The following SCHIP1 variants were observed in gnomAD, a reference collection of about 807,000 sequenced individuals.
SCHIP1 encodes schwannomin-interacting protein 1.
SCHIP1 carries 8 observed loss-of-function variants against 29.7 expected under a neutral mutation model. The observed-to-expected ratio is 0.27, with a 90% CI of 0.16 to 0.49. SCHIP1 has a LOEUF of 0.49. Ranked by LOEUF, SCHIP1 falls within the 20% of genes least tolerant of loss-of-function variation. The probability of loss-of-function intolerance (pLI) is 0.99; values close to 1 mark genes in which losing one functional copy is unlikely to be tolerated. For synonymous variants in SCHIP1, 76 were observed against 94.9 expected (o/e 0.80, Z 1.16); for missense variants, 193 against 294.6 (o/e 0.66, Z 2.52).
chr3:159,700,961 T>A, the SCHIP1 span, among the ~76,000 whole-genome samples: 1 of 152,166 alleles, frequency 6.6e-6, no homozygotes, highest in Non-Finnish European at 1.5e-5. Flanking sequence ...AAACCTAGAT[T>A]TTAACATGCT....
At chr3:159,478,433 G>T in the SCHIP1 span, among the ~76,000 whole-genome samples, 2 of 151,908 alleles carry the variant, frequency 1.3e-5, no homozygotes, top group African/African-American at 4.8e-5. Flanking sequence ...TTGTTCCTTT[G>T]GTCTATGTAT....
chr3:159,309,229 A>G, the SCHIP1 span: 1 of 216,964 alleles, frequency 4.6e-6, no homozygotes, highest in Non-Finnish European at 7.8e-6. Context: ...TACATGACAT[A>G]TATGCAATAA....
At chr3:159,477,920 C>CTTTT in the SCHIP1 span, among the ~76,000 whole-genome samples, 67 of 98,262 alleles carry the variant, frequency 6.8e-4, no homozygotes, top group East Asian at 3.2e-3. Flanking sequence ...CATTTTAAAT[C>CTTTT]TTTTTTTTTT....
the SCHIP1 span, among the ~76,000 whole-genome samples, chr3:159,283,243 C>T: frequency 2.0e-5 from 3 of 152,120 alleles, no homozygotes; most frequent in African/African-American, 7.2e-5. Context: ...ACCTCCGCCT[C>T]CTGGGTTCAA....
the SCHIP1 span, among the ~76,000 whole-genome samples, chr3:159,704,913 TTTC>T: frequency 2.4e-5 from 3 of 124,094 alleles, no homozygotes; most frequent in African/African-American, 1.1e-4. Flanking sequence ...TCTTTATTTC[TTTC>T]TTTCTTTCTT....
chr3:159,532,287 T>A, the SCHIP1 span, among the ~76,000 whole-genome samples: 1 of 152,210 alleles, frequency 6.6e-6, no homozygotes, highest in Admixed American at 6.5e-5. Context: ...ATTGTTTGCA[T>A]ACAAGTGAGT....
At chr3:159,522,430 C>G in the SCHIP1 span, among the ~76,000 whole-genome samples, 103 of 152,226 alleles carry the variant, frequency 6.8e-4, no homozygotes, top group African/African-American at 2.0e-3. Context: ...AGAAGGTTTC[C>G]AAGGTTTGTT....
At chr3:159,764,141 A>G in the SCHIP1 span, 4 of 339,650 alleles carry the variant, frequency 1.2e-5, no homozygotes, top group Non-Finnish European at 2.1e-5. This position sits in a 1 kb window ranked among gnomAD's most constrained non-coding sequence, Gnocchi z 6.1. Context: ...CAAAATGGTT[A>G]ATACAAAGTC....
chr3:159,404,611 C>A, the SCHIP1 span, among the ~76,000 whole-genome samples: 2 of 152,254 alleles, frequency 1.3e-5, no homozygotes, highest in East Asian at 3.9e-4. Flanking sequence ...GCTAACTTAG[C>A]CACAGTAGAA....
chr3:159,788,831 A>AAT, the SCHIP1 span, among the ~76,000 whole-genome samples: 2 of 152,130 alleles, frequency 1.3e-5, no homozygotes, highest in African/African-American at 2.4e-5. Context: ...AATAGGGTAT[A>AAT]ATATATATAT....
chr3:159,430,572 A>G, the SCHIP1 span, among the ~76,000 whole-genome samples: 6 of 152,106 alleles, frequency 3.9e-5, no homozygotes, highest in Admixed American at 6.5e-5. Context: ...GAGAGAGAGA[A>G]ACAAGTTGTT....
the SCHIP1 span, among the ~76,000 whole-genome samples, chr3:159,349,317 T>C: frequency 6.6e-6 from 1 of 152,228 alleles, no homozygotes; most frequent in Non-Finnish European, 1.5e-5. Flanking sequence ...AGGTACTTTA[T>C]ATGCTACTTT....
intron 6 of SCHIP1, chr3:159,894,534 G>C (rs1039243442): frequency 7.2e-5 from 11 of 152,164 alleles, no homozygotes; most frequent in African/African-American, 2.7e-4. Context: ...TAACAACATC[G>C]CATCTCTGTC....
chr3:159,374,690 CTTAATAGATGTA>C, the SCHIP1 span, among the ~76,000 whole-genome samples: 1 of 152,164 alleles, frequency 6.6e-6, no homozygotes, highest in East Asian at 1.9e-4. Context: ...GACTCTATTA[CTTAATAGATGTA>C]TTAATAGATA....
At chr3:159,406,200 A>T in the SCHIP1 span, among the ~76,000 whole-genome samples, 24 of 152,202 alleles carry the variant, frequency 1.6e-4, no homozygotes, top group Middle Eastern at 6.8e-3. Context: ...GGTCAAGTTT[A>T]AGGAAAGGAT....
At chr3:159,491,730 G>C in the SCHIP1 span, among the ~76,000 whole-genome samples, 1 of 152,250 alleles carries the variant, frequency 6.6e-6, no homozygotes, top group Non-Finnish European at 1.5e-5. Context: ...AAATGTCCCT[G>C]TCTGACAGCT....
At chr3:159,696,373 A>C in the SCHIP1 span, among the ~76,000 whole-genome samples, 50 of 152,212 alleles carry the variant, frequency 3.3e-4, no homozygotes, top group African/African-American at 1.1e-3. Flanking sequence ...TAGTGAAGTT[A>C]ACTCTTACTG....
the SCHIP1 span, among the ~76,000 whole-genome samples, chr3:159,578,969 TGGC>T: frequency 9.9e-5 from 15 of 152,182 alleles, no homozygotes; most frequent in African/African-American, 3.6e-4. Flanking sequence ...TTGGACATCT[TGGC>T]GGGGATTTTG....
chr3:159,585,278 C>T, the SCHIP1 span, among the ~76,000 whole-genome samples: 1 of 152,104 alleles, frequency 6.6e-6, no homozygotes, highest in African/African-American at 2.4e-5. Context: ...AGAGTAGGTA[C>T]TCACTAAGTA....
Sources: allele counts gnomAD v4.1 joint callset (sites outside exome capture counted in the v4.1 genomes callset), GRCh38; gene constraint gnomAD v4.1.1; non-coding constraint Gnocchi (gnomAD v3.1); transcripts MANE v1.5; gene names NCBI Gene and HGNC (gene_info 2026-07-23, HGNC 2026-07-21).